Variants in NPAS3 observed in about 807,000 individuals in gnomAD.
NPAS3 encodes neuronal PAS domain protein 3.
Under a neutral mutation model 73.1 loss-of-function variants are expected in NPAS3, and 14 were observed. The ratio of observed to expected loss-of-function variants is 0.19; its 90% CI spans 0.13 to 0.30. NPAS3 has a LOEUF of 0.30. Ranked by LOEUF, NPAS3 falls within the 10% of genes least tolerant of loss-of-function variation. The probability of loss-of-function intolerance (pLI) is 1.00; values close to 1 mark genes in which losing one functional copy is unlikely to be tolerated. For synonymous variants in NPAS3, 620 were observed against 541.5 expected, an observed-to-expected ratio of 1.14 and a Z score of -2.01; for missense variants, 1,096 against 1,250.0, an observed-to-expected ratio of 0.88 and a Z score of 1.86.
intron 1 of NPAS3, among the ~76,000 whole-genome samples, chr14:32,946,653 G>T (rs2036274867): frequency 6.6e-6 from 1 of 152,054 alleles, no homozygotes; most frequent in South Asian, 2.1e-4. Flanking sequence ...GAAATTTCGG[G>T]CTTAAAAGGA....
chr14:33,650,357 C>T (rs1477048250), intron 5 of NPAS3, among the ~76,000 whole-genome samples: 1 of 152,098 alleles, frequency 6.6e-6, no homozygotes, highest in East Asian at 1.9e-4. Context: ...GAAAAGATTT[C>T]TTAAGTTTAT....
At chr14:33,543,901 C>CTG (rs1263210143) in intron 4 of NPAS3, among the ~76,000 whole-genome samples, 1 of 115,504 alleles carries the variant, frequency 8.7e-6, no homozygotes, top group Non-Finnish European at 1.8e-5. Context: ...CAGTTCCCAG[C>CTG]TGTGTGATCT....
intron 5 of NPAS3, among the ~76,000 whole-genome samples, chr14:33,660,561 C>T (rs1412998934): frequency 6.6e-6 from 1 of 152,160 alleles, no homozygotes; most frequent in Non-Finnish European, 1.5e-5. Context: ...AGATTAAAAA[C>T]ACAAATACTT....
At chr14:33,403,998 G>C (rs2047556457) in intron 4 of NPAS3, among the ~76,000 whole-genome samples, 1 of 152,150 alleles carries the variant, frequency 6.6e-6, no homozygotes, top group South Asian at 2.1e-4. Flanking sequence ...TCAAATGTTA[G>C]GAAGATAATG....
chr14:33,444,682 C>T (rs2049406492), intron 4 of NPAS3, among the ~76,000 whole-genome samples: 1 of 152,230 alleles, frequency 6.6e-6, no homozygotes, highest in Non-Finnish European at 1.5e-5. Context: ...TTCACGATTC[C>T]TCCAACCCTG....
chr14:33,079,603 C>A (rs9671630), intron 2 of NPAS3, among the ~76,000 whole-genome samples: 8,263 of 133,356 alleles, frequency 0.062, 602 homozygotes, highest in African/African-American at 0.18. Context: ...TAGGCATGAG[C>A]CAGGCCTTTT....
At chr14:33,363,486 G>A (rs2045697826) in intron 3 of NPAS3, among the ~76,000 whole-genome samples, 1 of 152,154 alleles carries the variant, frequency 6.6e-6, no homozygotes, top group Non-Finnish European at 1.5e-5. Flanking sequence ...GAGACAATCA[G>A]AATTTTCCTA....
intron 3 of NPAS3, among the ~76,000 whole-genome samples, chr14:33,250,799 C>G (rs912639703): frequency 6.6e-6 from 1 of 152,012 alleles, no homozygotes; most frequent in African/African-American, 2.4e-5. Flanking sequence ...ATGAGACCAA[C>G]TACTTGAGTA....
chr14:32,937,264 ATTTG>A (rs1415296058), upstream of NPAS3, among the ~76,000 whole-genome samples: 3 of 152,164 alleles, frequency 2.0e-5, no homozygotes, highest in African/African-American at 4.8e-5. Flanking sequence ...TTCCATCTGG[ATTTG>A]TTTGTTAAGT....
intron 9 of NPAS3, among the ~76,000 whole-genome samples, 180 bp from the exon 10 acceptor site, chr14:33,793,717 C>T (rs2063431227): frequency 1.3e-5 from 2 of 152,168 alleles, no homozygotes; most frequent in Non-Finnish European, 1.5e-5. Context: ...GCTGCCGCTC[C>T]ACTGAATTGA....
At chr14:33,672,542 T>G (rs1443151934) in intron 5 of NPAS3, among the ~76,000 whole-genome samples, 2 of 152,152 alleles carry the variant, frequency 1.3e-5, no homozygotes, top group Non-Finnish European at 2.9e-5. Flanking sequence ...GGATTGGAGC[T>G]CTATTTATTT....
At chr14:33,259,994 G>A (rs1426703840) in intron 3 of NPAS3, among the ~76,000 whole-genome samples, 1 of 152,102 alleles carries the variant, frequency 6.6e-6, no homozygotes, top group Admixed American at 6.5e-5. Flanking sequence ...GACATTGGGG[G>A]CTGGATCAAA....
chr14:33,458,761 G>A (rs1186242141), intron 4 of NPAS3, among the ~76,000 whole-genome samples: 1 of 152,118 alleles, frequency 6.6e-6, no homozygotes, highest in Non-Finnish European at 1.5e-5. Context: ...CAGTAATTAA[G>A]TAACCAAAAG....
intron 4 of NPAS3, among the ~76,000 whole-genome samples, chr14:33,371,078 T>C (rs1324223110): frequency 6.6e-6 from 1 of 152,088 alleles, no homozygotes; most frequent in Non-Finnish European, 1.5e-5. Flanking sequence ...GAGAGCCCAC[T>C]GTGGGGTATG....
chr14:33,402,438 C>G (rs1461838350), intron 4 of NPAS3, among the ~76,000 whole-genome samples: 1 of 151,994 alleles, frequency 6.6e-6, no homozygotes, highest in African/African-American at 2.4e-5. Context: ...GCTTCTCTAA[C>G]TCGGATGAAT....
At chr14:32,978,509 A>G (rs973729298) in intron 1 of NPAS3, among the ~76,000 whole-genome samples, 21 of 151,926 alleles carry the variant, frequency 1.4e-4, no homozygotes, top group African/African-American at 5.1e-4. Context: ...TTGTGTATTT[A>G]TAAATATTAG....
chr14:33,786,447 A>G lies in NPAS3; in HGVS notation c.1154-7450A>G, dbSNP rs1034168696. Among the ~76,000 whole-genome samples the G allele has an allele frequency of 8.5e-5, 13 of 152,310 alleles. No individual in the cohort carries two copies. In the East Asian group the frequency reaches 2.5e-3, roughly 29 times the overall value. On this transcript the variant is annotated intron_variant, in intron 9 of 11. Coordinates refer to ENST00000356141, the Ensembl canonical transcript of NPAS3. Reference sequence around the variant, plus strand: ...GATTGCCTCCAGAAGCACAGGGTCCACCAGAGACAAAATAAATCTGAGTAT... The same window carrying G: ...GATTGCCTCCAGAAGCACAGGGTCCGCCAGAGACAAAATAAATCTGAGTAT...
chr14:33,109,785 T>G (rs1243800720), intron 2 of NPAS3, among the ~76,000 whole-genome samples: 4 of 150,920 alleles, frequency 2.7e-5, no homozygotes, highest in African/African-American at 9.7e-5. Context: ...TTATACACGT[T>G]ACCTCTTATC....
At chr14:33,441,945 C>T (rs994502963) in intron 4 of NPAS3, among the ~76,000 whole-genome samples, 8 of 152,304 alleles carry the variant, frequency 5.3e-5, no homozygotes, top group Admixed American at 3.3e-4. Flanking sequence ...CCTCCCATGA[C>T]ATGTGGGAAT....
Sources: allele counts gnomAD v4.1 joint callset (sites outside exome capture counted in the v4.1 genomes callset), GRCh38; gene constraint gnomAD v4.1.1; transcripts MANE v1.5; gene names NCBI Gene and HGNC (gene_info 2026-07-23, HGNC 2026-07-21).